SLC24A2: variants seen among roughly 807,000 people sequenced by gnomAD.
SLC24A2 encodes the protein sodium/potassium/calcium exchanger 2.
A neutral mutation model predicts 62.0 loss-of-function variants in SLC24A2; 36 were observed. The ratio of observed to expected loss-of-function variants is 0.58; its 90% CI spans 0.44 to 0.77. The LOEUF (loss-of-function observed/expected upper bound fraction) is 0.77, where lower values mean the gene tolerates loss of function less well. Ranked by LOEUF, SLC24A2 falls within the 30% of genes least tolerant of loss-of-function variation. The pLI, the probability that SLC24A2 is intolerant of heterozygous loss-of-function variation, is 0.00. For missense variants in SLC24A2, 846 were observed against 817.9 expected, an observed-to-expected ratio of 1.03 and a Z score of -0.42; for synonymous variants, 358 against 294.0, an observed-to-expected ratio of 1.22 and a Z score of -2.23.
At chr9:20,180,420 T>C in the SLC24A2 span, among the ~76,000 whole-genome samples, 1 of 152,200 alleles carries the variant, frequency 6.6e-6, no homozygotes, top group Non-Finnish European at 1.5e-5. Context: ...TAAACTCATA[T>C]TGACTTCCAG....
chr9:19,925,732 G>C, the SLC24A2 span, among the ~76,000 whole-genome samples: 1 of 152,224 alleles, frequency 6.6e-6, no homozygotes, highest in Non-Finnish European at 1.5e-5. Context: ...CAAGGGATCT[G>C]ATGTGACAGG....
At chr9:19,743,259 A>C (rs1821733927) in intron 2 of SLC24A2, among the ~76,000 whole-genome samples, 1 of 152,196 alleles carries the variant, frequency 6.6e-6, no homozygotes, top group Non-Finnish European at 1.5e-5. Context: ...TCATAGGGTT[A>C]GTCAGTTTAT....
the SLC24A2 span, among the ~76,000 whole-genome samples, chr9:20,290,420 C>T: frequency 2.0e-5 from 3 of 152,246 alleles, no homozygotes; most frequent in South Asian, 4.1e-4. Context: ...GTAATCTGGG[C>T]TCTCCCTCCC....
At chr9:19,531,548 CAG>C in intron 8 of SLC24A2, among the ~76,000 whole-genome samples, 1 of 152,282 alleles carries the variant, frequency 6.6e-6, no homozygotes, top group Middle Eastern at 3.4e-3. Flanking sequence ...TTTGGTACAT[CAG>C]AGTGATATCG....
At chr9:19,557,388 T>TTGGG (rs1193753290) in intron 7 of SLC24A2, among the ~76,000 whole-genome samples, 3 of 152,076 alleles carry the variant, frequency 2.0e-5, no homozygotes, top group Non-Finnish European at 2.9e-5. Flanking sequence ...TTACAAAGCT[T>TTGGG]TGGGGAAGAA....
chr9:19,539,341 T>C (rs1219734005), intron 8 of SLC24A2, among the ~76,000 whole-genome samples: 4 of 146,562 alleles, frequency 2.7e-5, no homozygotes, highest in Non-Finnish European at 6.0e-5. Flanking sequence ...TGTAGGCATT[T>C]AGTGCTATAA....
chr9:19,853,153 T>C, the SLC24A2 span, among the ~76,000 whole-genome samples: 1 of 152,082 alleles, frequency 6.6e-6, no homozygotes, highest in African/African-American at 2.4e-5. Flanking sequence ...TTGTGATTTT[T>C]GGTTTTATAT....
the SLC24A2 span, among the ~76,000 whole-genome samples, chr9:19,931,833 TAAC>T: frequency 1.3e-5 from 2 of 152,182 alleles, no homozygotes; most frequent in African/African-American, 4.8e-5. Context: ...TTATAAATAA[TAAC>T]AATGAATTCA....
the SLC24A2 span, among the ~76,000 whole-genome samples, chr9:20,054,966 C>A: frequency 6.6e-6 from 1 of 152,160 alleles, no homozygotes; most frequent in Non-Finnish European, 1.5e-5. Flanking sequence ...CCTTTAACTA[C>A]TTTGGTGAAT....
the SLC24A2 span, among the ~76,000 whole-genome samples, chr9:19,902,025 C>A: frequency 6.6e-6 from 1 of 152,208 alleles, no homozygotes; most frequent in African/African-American, 2.4e-5. Flanking sequence ...ATAGTTCATT[C>A]TTTAAGGGTA....
chr9:19,691,325 C>T (rs1005429630), intron 2 of SLC24A2, among the ~76,000 whole-genome samples: 5 of 152,154 alleles, frequency 3.3e-5, no homozygotes, highest in African/African-American at 9.7e-5. Context: ...TAGTGGGGCT[C>T]CCACAGGACA....
At chr9:19,754,964 AAAT>A (rs1341867629) in intron 2 of SLC24A2, among the ~76,000 whole-genome samples, 4 of 152,092 alleles carry the variant, frequency 2.6e-5, no homozygotes, top group Admixed American at 2.6e-4. Context: ...TCTCTCTTTA[AAAT>A]AATAAGATGG....
At chr9:19,545,935 C>T (rs573259468) in intron 8 of SLC24A2, among the ~76,000 whole-genome samples, 34 of 152,322 alleles carry the variant, frequency 2.2e-4, no homozygotes, top group African/African-American at 7.9e-4. Flanking sequence ...CTGCACCTGG[C>T]CTAGTTTTCC....
intron 2 of SLC24A2, among the ~76,000 whole-genome samples, chr9:19,666,120 T>C (rs1386438435): frequency 2.0e-5 from 3 of 152,148 alleles, no homozygotes; most frequent in Non-Finnish European, 4.4e-5. Flanking sequence ...TCATTTTTAT[T>C]ATTGGCCAGG....
chr9:19,666,846 T>C (rs1819269192), intron 2 of SLC24A2, among the ~76,000 whole-genome samples: 1 of 152,222 alleles, frequency 6.6e-6, no homozygotes, highest in Non-Finnish European at 1.5e-5. Context: ...TGGGACTCTG[T>C]TCTTTGTCTA....
upstream of SLC24A2, among the ~76,000 whole-genome samples, chr9:19,789,521 G>A (rs1253293353): frequency 6.6e-6 from 1 of 152,196 alleles, no homozygotes; most frequent in Non-Finnish European, 1.5e-5. Context: ...ACACTGCAGG[G>A]GCTTCAGTCT....
At chr9:19,902,188 A>C in the SLC24A2 span, among the ~76,000 whole-genome samples, 1 of 152,014 alleles carries the variant, frequency 6.6e-6, no homozygotes, top group African/African-American at 2.4e-5. Flanking sequence ...GTATAATGAG[A>C]CGTGTCTCAC....
At chr9:19,843,304 C>G in the SLC24A2 span, among the ~76,000 whole-genome samples, 11 of 152,156 alleles carry the variant, frequency 7.2e-5, no homozygotes, top group Admixed American at 3.3e-4. Context: ...GAGTTCGAGA[C>G]CAGCCTGGCT....
the SLC24A2 span, among the ~76,000 whole-genome samples, chr9:20,199,885 ATTTT>A: frequency 1.5e-5 from 2 of 132,030 alleles, no homozygotes; most frequent in Admixed American, 7.7e-5. Context: ...TGCCTGGCTA[ATTTT>A]TTTTTTTTTT....
Sources: allele counts gnomAD v4.1 joint callset (sites outside exome capture counted in the v4.1 genomes callset), GRCh38; gene constraint gnomAD v4.1.1; transcripts MANE v1.5; gene names NCBI Gene and HGNC (gene_info 2026-07-23, HGNC 2026-07-21).